Variants in PPP3CC observed in about 807,000 individuals in gnomAD.
PPP3CC encodes the protein protein phosphatase 3 catalytic subunit gamma.
Under a neutral mutation model 60.3 loss-of-function variants are expected in PPP3CC, and 35 were observed. The observed-to-expected ratio is 0.58, with a 90% CI of 0.44 to 0.77. The LOEUF is 0.77. PPP3CC is among the 30% of genes least tolerant of loss of function. The pLI, the probability that PPP3CC is intolerant of heterozygous loss-of-function variation, is 0.00. For missense variants in PPP3CC, 570 were observed against 628.9 expected (o/e 0.91, Z 1.00); for synonymous variants, 206 against 224.3 (o/e 0.92, Z 0.73).
intron 1 of PPP3CC, among the ~76,000 whole-genome samples, chr8:22,471,858 G>A (rs1837732321): frequency 6.6e-6 from 1 of 152,134 alleles, no homozygotes; most frequent in African/African-American, 2.4e-5. Flanking sequence ...TGGGCATGGT[G>A]GCTCACTCCT....
chr8:22,522,878 A>G (rs1297704500), intron 8 of PPP3CC, 129 bp downstream of exon 8: 2 of 682,788 alleles, frequency 2.9e-6, no homozygotes, highest in African/African-American at 1.8e-5. Context: ...AAGGGGTCTT[A>G]GTTGAAACAA....
At chr8:22,498,744 G>A (rs1838667372) in intron 4 of PPP3CC, among the ~76,000 whole-genome samples, 1 of 152,106 alleles carries the variant, frequency 6.6e-6, no homozygotes, top group African/African-American at 2.4e-5. Context: ...AATCATATAT[G>A]TAGCCAATTT....
intron 1 of PPP3CC, among the ~76,000 whole-genome samples, chr8:22,448,587 C>G (rs562288212): frequency 6.6e-6 from 1 of 151,972 alleles, no homozygotes; most frequent in East Asian, 1.9e-4. Context: ...CCGTATTGGT[C>G]AGGCTGGTCT....
chr8:22,461,723 G>A (rs1402546993), intron 1 of PPP3CC, among the ~76,000 whole-genome samples: 1 of 152,136 alleles, frequency 6.6e-6, no homozygotes, highest in Non-Finnish European at 1.5e-5. Flanking sequence ...AAAGGATAGA[G>A]TTAGGAAAGA....
chr8:22,454,254 A>G (rs1837123178), intron 1 of PPP3CC, among the ~76,000 whole-genome samples: 1 of 152,128 alleles, frequency 6.6e-6, no homozygotes, highest in Admixed American at 6.5e-5. Context: ...AACACACACC[A>G]CATACATTAG....
chr8:22,485,018 C>G (rs545307927), intron 3 of PPP3CC, among the ~76,000 whole-genome samples: 3 of 152,082 alleles, frequency 2.0e-5, no homozygotes, highest in African/African-American at 7.2e-5. Flanking sequence ...ATACGCATAT[C>G]TTATTTGGAG....
chr8:22,444,012 G>T (rs1563659867), intron 1 of PPP3CC, among the ~76,000 whole-genome samples: 1 of 152,240 alleles, frequency 6.6e-6, no homozygotes, highest in Non-Finnish European at 1.5e-5. Context: ...GTACCTAATT[G>T]TTCTATTTGA....
chr8:22,496,542 G>C (rs1313895821), intron 3 of PPP3CC, among the ~76,000 whole-genome samples: 1 of 114,424 alleles, frequency 8.7e-6, no homozygotes, highest in Non-Finnish European at 1.7e-5. Context: ...CTGTCACCCA[G>C]GCTGGAGTGC....
chr8:22,475,055 C>T lies in PPP3CC; in HGVS notation c.151C>T (p.Arg51Ter), dbSNP rs771899958. Residue 51 changes from arginine (R) to a stop codon, truncating the protein, a stop_gained, in exon 2 of 14, where the codon CGA becomes TGA. Transcript: ENST00000240139. LOFTEE classifies it high-confidence loss of function. ...VLKNHLVKEGRLEEEVALKII... is the reference protein window; with the variant it reads ...VLKNHLVKEG The stretch of plus-strand genomic sequence containing the variant: ...AAAAAACCATTTGGTAAAGGAAGGA[C>T]GACTGGAAGAGGAAGTAGCCTTAAA... 15 of 1,613,086 alleles carry T rather than the reference C, an allele frequency of 9.3e-6. No individual in the cohort carries two copies. In the East Asian group the frequency reaches 1.1e-4, roughly 12 times the overall value.
intron 1 of PPP3CC, among the ~76,000 whole-genome samples, chr8:22,459,015 G>A (rs1011751762): frequency 3.9e-5 from 6 of 152,048 alleles, no homozygotes; most frequent in African/African-American, 1.2e-4. Context: ...TTAGTAGCAC[G>A]TGGCATTATG....
At chr8:22,471,958 C>T (rs534854421) in intron 1 of PPP3CC, among the ~76,000 whole-genome samples, 1 of 152,046 alleles carries the variant, frequency 6.6e-6, no homozygotes, top group Admixed American at 6.6e-5. Context: ...AAAACCCCAT[C>T]TCTACAAAAA....
chr8:22,528,175 G>T (rs1839610197), intron 9 of PPP3CC, among the ~76,000 whole-genome samples: 1 of 152,324 alleles, frequency 6.6e-6, no homozygotes, highest in Admixed American at 6.5e-5. Flanking sequence ...ACGTAGGCCT[G>T]TTGGCTTAAC....
intron 4 of PPP3CC, among the ~76,000 whole-genome samples, chr8:22,499,283 CA>C (rs1226729804): frequency 1.4e-5 from 2 of 147,040 alleles, no homozygotes; most frequent in Admixed American, 1.4e-4. Context: ...ACTAAAAATA[CA>C]AAAAATTAGC....
At chr8:22,493,443 A>G (rs938866926) in intron 3 of PPP3CC, among the ~76,000 whole-genome samples, 1 of 152,132 alleles carries the variant, frequency 6.6e-6, no homozygotes, top group Non-Finnish European at 1.5e-5. Flanking sequence ...TTAGCTTACA[A>G]GTGGTATTAT....
intron 4 of PPP3CC, among the ~76,000 whole-genome samples, chr8:22,510,391 T>C (rs977554385): frequency 5.9e-5 from 9 of 152,194 alleles, no homozygotes; most frequent in African/African-American, 2.2e-4. Flanking sequence ...AAAAACATTA[T>C]TGACATTTTA....
At chr8:22,467,360 G>A (rs2132455834) in intron 1 of PPP3CC, among the ~76,000 whole-genome samples, 1 of 152,082 alleles carries the variant, frequency 6.6e-6, no homozygotes, top group South Asian at 2.1e-4. Context: ...AGTTTTTATG[G>A]TGAGAGTTTT....
At chr8:22,467,640 A>C (rs1186496708) in intron 1 of PPP3CC, among the ~76,000 whole-genome samples, 1 of 152,134 alleles carries the variant, frequency 6.6e-6, no homozygotes, top group African/African-American at 2.4e-5. Context: ...CATGTTGGTC[A>C]GGCTGGTTTT....
At chr8:22,484,830 G>A (rs1172352849) in intron 3 of PPP3CC, among the ~76,000 whole-genome samples, 1 of 152,066 alleles carries the variant, frequency 6.6e-6, no homozygotes, top group South Asian at 2.1e-4. Flanking sequence ...TAAATGGTCA[G>A]TATGCCAGAA....
At chr8:22,522,593 A>G in intron 7 of PPP3CC, 25 bp downstream of exon 7, 1 of 1,596,188 alleles carries the variant, frequency 6.3e-7, no homozygotes, top group Non-Finnish European at 8.6e-7. Context: ...AATTGTACCA[A>G]ATATCGCTGC....
Sources: allele counts gnomAD v4.1 joint callset (sites outside exome capture counted in the v4.1 genomes callset), GRCh38; gene constraint gnomAD v4.1.1; transcripts MANE v1.5; gene names NCBI Gene and HGNC (gene_info 2026-07-23, HGNC 2026-07-21).